The following SEM1 variants were observed in gnomAD, a reference collection of about 807,000 sequenced individuals.
The protein encoded by SEM1 is 26S proteasome complex subunit SEM1.
In SEM1, 3 loss-of-function variants were observed where a neutral mutation model predicts 12.7. The ratio of observed to expected loss-of-function variants is 0.24; its 90% CI spans 0.11 to 0.61. SEM1 has a LOEUF of 0.61. Among genes scored for constraint, SEM1 ranks in the 20% least tolerant of loss-of-function variants. The pLI is 0.88. For synonymous variants in SEM1, 30 were observed against 27.8 expected (o/e 1.08, Z -0.25); for missense variants, 59 against 81.3 (o/e 0.73, Z 1.06).
chr7:96,685,648 G>C (rs1164669051), downstream of SEM1, among the ~76,000 whole-genome samples: 1 of 151,888 alleles, frequency 6.6e-6, no homozygotes, highest in Non-Finnish European at 1.5e-5. Flanking sequence ...AAATGTACAT[G>C]ATAACATTAC....
At position 96,694,812 on chromosome 7, in the gene SEM1, G is replaced by A; in HGVS notation, c.156C>T (p.Phe52=). 6.2e-7 allele frequency: 1 copy of A among 1,606,514 alleles called. No homozygotes were observed. Among genetic ancestry groups the A allele is most frequent in the South Asian group, 1.1e-5 (1 of 90,652 alleles). ...TTAAAACTTACCGTAACTGATTAGAGAAGTCATCCTCTACATTGTCATCAT... is the reference window on the plus strand; with the variant it reads ...TTAAAACTTACCGTAACTGATTAGAAAAGTCATCCTCTACATTGTCATCAT... ...NWDDDNVEDD[F]SNQLRAELEK... is the part of the protein sequence containing the mutation. Residue 52 remains phenylalanine, a synonymous_variant, in exon 2 of 3, where the codon TTC becomes TTT. Coordinates refer to ENST00000248566, the MANE Select transcript of SEM1 (RefSeq NM_006304.2).
At chr7:96,535,640 C>A (rs1311685413) in intron 2 of SEM1, among the ~76,000 whole-genome samples, 1 of 151,782 alleles carries the variant, frequency 6.6e-6, no homozygotes, top group African/African-American at 2.4e-5. Context: ...TCCCCAGTAT[C>A]TGTTGTTCGC....
At chr7:96,520,917 C>T (rs1161324312) in intron 2 of SEM1, among the ~76,000 whole-genome samples, 1 of 152,056 alleles carries the variant, frequency 6.6e-6, no homozygotes, top group African/African-American at 2.4e-5. Context: ...TGCTTTTCTC[C>T]TCCATGGCTG....
intron 3 of SEM1, among the ~76,000 whole-genome samples, chr7:96,484,545 A>T (rs532024779): frequency 9.2e-5 from 14 of 152,306 alleles, no homozygotes; most frequent in Non-Finnish European, 1.6e-4. Context: ...GATTTGAATT[A>T]TCTGTGTGTG....
At chr7:96,489,863 A>C (rs1802935035) in intron 1 of SEM1, among the ~76,000 whole-genome samples, 1 of 152,196 alleles carries the variant, frequency 6.6e-6, no homozygotes, top group African/African-American at 2.4e-5. Context: ...CATATGGATG[A>C]CAATGACTAG....
At chr7:96,661,786 A>G (rs1384616410) in intron 2 of SEM1, among the ~76,000 whole-genome samples, 2 of 151,990 alleles carry the variant, frequency 1.3e-5, no homozygotes, top group South Asian at 2.1e-4. Context: ...TCGGGAGTTC[A>G]AGACTACCCT....
At chr7:96,637,605 T>A (rs1359240522) in intron 2 of SEM1, among the ~76,000 whole-genome samples, 1 of 152,006 alleles carries the variant, frequency 6.6e-6, no homozygotes, top group East Asian at 1.9e-4. Flanking sequence ...ATTGGACTCT[T>A]GGCAAAGCAT....
intron 3 of SEM1, among the ~76,000 whole-genome samples, chr7:96,504,052 G>C (rs1354559604): frequency 1.3e-5 from 2 of 151,996 alleles, no homozygotes; most frequent in African/African-American, 4.8e-5. Flanking sequence ...AGGAGGAAAG[G>C]GTTCCCTTTA....
chr7:96,482,586 C>G (rs1253076687), exon 4 of SEM1: 1 of 152,144 alleles, frequency 6.6e-6, no homozygotes, highest in African/African-American at 2.4e-5. Flanking sequence ...GAGATCTTCA[C>G]TGACTGACCA....
intron 2 of SEM1, among the ~76,000 whole-genome samples, chr7:96,519,767 G>A (rs749637212): frequency 1.2e-4 from 18 of 152,012 alleles, no homozygotes; most frequent in Non-Finnish European, 2.6e-4. Flanking sequence ...TAGCCAAAAA[G>A]GTAAAGGTGT....
Position 96,540,406 on chromosome 7 carries a change from A to G in SEM1, c.171-33708T>C, listed in dbSNP as rs1018707729. Among the ~76,000 whole-genome samples, 26 of 151,858 alleles carry G rather than the reference A, an allele frequency of 1.7e-4. 1 individual carries two copies. The highest frequency in any genetic ancestry group is 4.4e-5 in the Non-Finnish European group (3 of 67,862). On this transcript the variant is annotated intron_variant and NMD_transcript_variant, in intron 2 of 3. Coordinates refer to the SEM1 transcript ENST00000466986. ...AAATATTCAACTCATCTCAGTATAT[A>G]AAATGGCATTCTGTTAATAAAATTA...
intron 2 of SEM1, among the ~76,000 whole-genome samples, chr7:96,601,429 GC>G (rs1807197322): frequency 6.6e-6 from 1 of 152,130 alleles, no homozygotes; most frequent in Non-Finnish European, 1.5e-5. Context: ...ACAAACTCTT[GC>G]AGGAGGTGAG....
At chr7:96,642,511 A>T (rs1808647883) in intron 2 of SEM1, among the ~76,000 whole-genome samples, 2 of 149,090 alleles carry the variant, frequency 1.3e-5, no homozygotes, top group Non-Finnish European at 3.0e-5. Context: ...TCATAGTTTC[A>T]CCTTTGTTTC....
chr7:96,522,891 C>CAA (rs540895823), intron 2 of SEM1, among the ~76,000 whole-genome samples: 15,900 of 87,216 alleles, frequency 0.18, 1,524 homozygotes, highest in Middle Eastern at 0.29. Flanking sequence ...AACTCCATCT[C>CAA]AAAAAAAAAA....
chr7:96,669,742 C>T (rs1440266471), downstream of SEM1, among the ~76,000 whole-genome samples: 2 of 152,142 alleles, frequency 1.3e-5, no homozygotes, highest in African/African-American at 4.8e-5. Flanking sequence ...TATGAACCCA[C>T]TTGAGAATCA....
At chr7:96,517,181 G>C (rs1804121762) in intron 2 of SEM1, among the ~76,000 whole-genome samples, 1 of 152,138 alleles carries the variant, frequency 6.6e-6, no homozygotes, top group Non-Finnish European at 1.5e-5. Flanking sequence ...CTAATGTGTA[G>C]AATGTACAAC....
intron 3 of SEM1, chr7:96,503,361 T>C (rs1291980402): frequency 1.3e-5 from 2 of 152,164 alleles, no homozygotes; most frequent in African/African-American, 4.8e-5. Context: ...AAAAACCTGC[T>C]TGCTATTCTG....
chr7:96,693,147 C>A (rs1249205048), intron 2 of SEM1, among the ~76,000 whole-genome samples: 1 of 151,816 alleles, frequency 6.6e-6, no homozygotes, highest in Non-Finnish European at 1.5e-5. Flanking sequence ...TATTAGAAAT[C>A]AAAGTTTAAA....
At chr7:96,659,920 A>C (rs1390098471) in intron 2 of SEM1, among the ~76,000 whole-genome samples, 1 of 148,102 alleles carries the variant, frequency 6.8e-6, no homozygotes, top group East Asian at 1.9e-4. Flanking sequence ...TGGCAAAAAA[A>C]AAAAAAAAAA....
Sources: gnomAD v4.1 joint callset for allele counts (sites outside exome capture counted in the v4.1 genomes callset) on GRCh38, gnomAD v4.1.1 for gene constraint, MANE v1.5 for transcripts, NCBI Gene and HGNC (gene_info 2026-07-23, HGNC 2026-07-21) for gene names.